The following CSMD1 variants were observed in gnomAD, a reference collection of about 807,000 sequenced individuals.
The protein encoded by CSMD1 is CUB and sushi domain-containing protein 1.
CSMD1 carries 213 observed loss-of-function variants against 417.5 expected under a neutral mutation model. That is an observed-to-expected ratio of 0.51 (90% CI 0.46 to 0.57). The LOEUF (loss-of-function observed/expected upper bound fraction) is 0.57. Among genes scored for constraint, CSMD1 ranks in the 20% least tolerant of loss-of-function variants. The pLI, the probability that CSMD1 is intolerant of heterozygous loss-of-function variation, is 0.00. For synonymous variants in CSMD1, 2,862 were observed against 1,736.8 expected (o/e 1.65, Z -16.11); for missense variants, 6,923 against 4,529.7 (o/e 1.53, Z -15.17).
At chr8:4,378,324 T>G (rs1000455381) in intron 3 of CSMD1, among the ~76,000 whole-genome samples, 13 of 152,246 alleles carry the variant, frequency 8.5e-5, no homozygotes, top group African/African-American at 2.9e-4. Context: ...AATTGCTGTT[T>G]TTGAACTTTG....
chr8:4,718,656 T>A (rs993312658), intron 1 of CSMD1, among the ~76,000 whole-genome samples: 18 of 152,218 alleles, frequency 1.2e-4, no homozygotes, highest in Middle Eastern at 3.4e-3. Flanking sequence ...AATCAATTTT[T>A]AAAAAATCTA....
chr8:4,032,436 TGTCA>T (rs546207559), intron 3 of CSMD1, among the ~76,000 whole-genome samples: 52 of 152,118 alleles, frequency 3.4e-4, no homozygotes, highest in Non-Finnish European at 6.5e-4. Context: ...AGCAACCAGA[TGTCA>T]GTGTCAGCAA....
At chr8:3,461,770 C>T (rs533505224) in intron 12 of CSMD1, among the ~76,000 whole-genome samples, 13 of 152,262 alleles carry the variant, frequency 8.5e-5, no homozygotes, top group Admixed American at 5.2e-4. Flanking sequence ...ATGAGTGGGA[C>T]GATTTATCCA....
At chr8:3,291,966 T>G (rs1394887190) in intron 25 of CSMD1, among the ~76,000 whole-genome samples, 2 of 152,046 alleles carry the variant, frequency 1.3e-5, no homozygotes, top group Non-Finnish European at 2.9e-5. Flanking sequence ...GGGCATTTAG[T>G]GCTATAAATT....
intron 52 of CSMD1, among the ~76,000 whole-genome samples, chr8:3,007,301 T>C (rs1246583303): frequency 1.3e-5 from 2 of 151,804 alleles, no homozygotes; most frequent in Non-Finnish European, 2.9e-5. Context: ...TGTGGAGAAA[T>C]AGGAACACTA....
At chr8:3,241,009 G>A (rs182490217) in intron 26 of CSMD1, among the ~76,000 whole-genome samples, 2 of 149,934 alleles carry the variant, frequency 1.3e-5, no homozygotes, top group Non-Finnish European at 1.5e-5. Flanking sequence ...GATGATAAGG[G>A]GTGCATGATC....
intron 2 of CSMD1, among the ~76,000 whole-genome samples, chr8:4,573,134 C>G (rs1798965595): frequency 6.6e-6 from 1 of 152,184 alleles, no homozygotes; most frequent in South Asian, 2.1e-4. Flanking sequence ...TCATCAAACG[C>G]ATTCCCTGTC....
In CSMD1 at chr8:3,382,996, C is replaced by T. The variant is rs143729860; in HGVS notation, c.2782+4498G>A. 3.9e-3 allele frequency among the ~76,000 whole-genome samples: 587 copies of T among 152,122 alleles called. 4 individuals are homozygous for T. The highest frequency in any genetic ancestry group is 0.013 in the African/African-American group (557 of 41,500). ...ACTTAAACGCTGTGACAAAGTCAGC[C>T]GAACAATGAGAGGAGAAACAGGATC... On this transcript the variant is annotated intron_variant, in intron 18 of 69. Transcript: ENST00000635120.
At chr8:4,165,778 C>T (rs1797422995) in intron 3 of CSMD1, among the ~76,000 whole-genome samples, 1 of 152,186 alleles carries the variant, frequency 6.6e-6, no homozygotes, top group South Asian at 2.1e-4. Context: ...GAGGTGTTAG[C>T]TCACGTGTTG....
At chr8:4,720,872 T>A (rs919578096) in intron 1 of CSMD1, among the ~76,000 whole-genome samples, 1 of 152,202 alleles carries the variant, frequency 6.6e-6, no homozygotes, top group Non-Finnish European at 1.5e-5. Flanking sequence ...AAGATCCTAG[T>A]GCCGTCTCTG....
chr8:3,596,440 A>G (rs1801099003), intron 8 of CSMD1, among the ~76,000 whole-genome samples: 1 of 152,190 alleles, frequency 6.6e-6, no homozygotes, highest in African/African-American at 2.4e-5. Context: ...CCCAAATCAC[A>G]GATGAGAACG....
At chr8:4,164,513 T>A (rs1429722550) in intron 3 of CSMD1, among the ~76,000 whole-genome samples, 1 of 152,022 alleles carries the variant, frequency 6.6e-6, no homozygotes, top group Non-Finnish European at 1.5e-5. Flanking sequence ...CCTACCAATG[T>A]CCCCAGGCGT....
chr8:3,927,076 T>G (rs528214562), intron 5 of CSMD1, among the ~76,000 whole-genome samples: 1 of 152,086 alleles, frequency 6.6e-6, no homozygotes, highest in Non-Finnish European at 1.5e-5. Context: ...ATTTAGTATT[T>G]ATTGTAATTA....
At chr8:4,159,378 A>G (rs1471633974) in intron 3 of CSMD1, among the ~76,000 whole-genome samples, 1 of 152,188 alleles carries the variant, frequency 6.6e-6, no homozygotes, top group African/African-American at 2.4e-5. Flanking sequence ...TAATCCCACT[A>G]TGTGATATCT....
intron 8 of CSMD1, among the ~76,000 whole-genome samples, chr8:3,601,641 A>G (rs1449256804): frequency 6.6e-6 from 1 of 152,240 alleles, no homozygotes; most frequent in African/African-American, 2.4e-5. Flanking sequence ...AGCAGCGTCA[A>G]CAAACTTTAA....
intron 6 of CSMD1, among the ~76,000 whole-genome samples, chr8:3,738,656 C>T (rs1007015988): frequency 1.5e-4 from 23 of 152,154 alleles, no homozygotes; most frequent in African/African-American, 5.6e-4. Flanking sequence ...TTAGACAGGG[C>T]TTAGATAACA....
intron 18 of CSMD1, among the ~76,000 whole-genome samples, chr8:3,371,320 C>T (rs566648243): frequency 2.0e-5 from 3 of 152,274 alleles, no homozygotes; most frequent in South Asian, 4.1e-4. Context: ...TCTGTGCTTC[C>T]ATGGCCTCAC....
chr8:4,301,522 G>A (rs1016331757), intron 3 of CSMD1, among the ~76,000 whole-genome samples: 1 of 152,178 alleles, frequency 6.6e-6, no homozygotes, highest in Admixed American at 6.5e-5. Flanking sequence ...ACTCTTGTTT[G>A]AAGCTGATCT....
At position 3,759,740 on chromosome 8, in the gene CSMD1, C is replaced by CAAA. The variant is rs1188168101; in HGVS notation, c.819-5701_819-5699dup. ...GAAACACCACCTCTACTAAAAATAC[C>CAAA]AAAAAAAAAAAAAAAAAATTAGCCA... On this transcript the variant is annotated intron_variant, in intron 5 of 69. Transcript: ENST00000635120. Among the ~76,000 whole-genome samples, 456 of 116,472 alleles carry CAAA rather than the reference C, an allele frequency of 3.9e-3. 5 individuals carry two copies. The highest frequency in any genetic ancestry group is 0.012 in the African/African-American group (374 of 31,686). The allele number at this position is 116,472 out of a possible 152,430, so 76.4% of individuals were successfully genotyped here.
Sources: gnomAD v4.1 joint callset for allele counts (sites outside exome capture counted in the v4.1 genomes callset) on GRCh38, gnomAD v4.1.1 for gene constraint, MANE v1.5 for transcripts, NCBI Gene and HGNC (gene_info 2026-07-23, HGNC 2026-07-21) for gene names.